The following KREMEN2 variants were observed in gnomAD, a reference collection of about 807,000 sequenced individuals.
The protein encoded by KREMEN2 is kringle containing transmembrane protein 2, also known as kremen protein 2.
KREMEN2 carries 43 observed loss-of-function variants against 49.8 expected under a neutral mutation model. The observed-to-expected ratio is 0.86, with a 90% CI of 0.68 to 1.11. The LOEUF is 1.11. KREMEN2 is among the 50% of genes most tolerant of loss of function. The probability of loss-of-function intolerance (pLI) is 0.00; values close to 1 mark genes in which losing one functional copy is unlikely to be tolerated. For synonymous variants in KREMEN2, 355 were observed against 304.9 expected (o/e 1.16, Z -1.71); for missense variants, 686 against 665.7 (o/e 1.03, Z -0.34).
rs2071839757 is a variant in KREMEN2 at position 2,967,057 on chromosome 16, T to C, written c.788T>C (p.Phe263Ser). The C allele has an allele frequency of 6.5e-7, 1 of 1,532,932 alleles. No homozygotes were observed. The highest frequency in any genetic ancestry group is 8.7e-7 in the Non-Finnish European group (1 of 1,143,226). 95.0% of individuals were successfully genotyped at this position (1,532,932 alleles called of 1,614,324 possible). A position where few individuals can be genotyped will look rare whatever the true frequency, so the allele number is the denominator to read the frequency against. The change falls in exon 6 of 9, where the codon TTC becomes TCC. Residue 263 changes from phenylalanine (F) to serine (S), a missense_variant. Transcript: ENST00000303746. ...GCGCTGGAGCTCACCTTCCGCCTCT[T>C]CGAGCTGGCCGACCCGCGCGACCGG... ...GAALELTFRL[F>S]ELADPRDRLE... is the part of the protein sequence containing the mutation.
rs754341047 is a variant in KREMEN2 at position 2,966,619 on chromosome 16, G to A, written c.487-23G>A. 2 of 1,605,592 alleles carry A rather than the reference G, an allele frequency of 1.2e-6. No homozygotes were observed. Among genetic ancestry groups the A allele is most frequent in the Non-Finnish European group, 8.5e-7 (1 of 1,179,116 alleles). ...ACCCCTACCCCAGCCCCTGCCCTGG[G>A]GTCACCCAGTCTGTGCTCCCAGCTG... On this transcript the variant is annotated intron_variant, in intron 4 of 8. Transcript: ENST00000303746. The surrounding 1 kb of genome is among the most constrained non-coding windows in gnomAD (Gnocchi z 8.4).
chr16:2,965,958 A>G (rs182993108), intron 2 of KREMEN2, among the ~76,000 whole-genome samples, 182 bp from the exon 3 acceptor site: 72 of 152,358 alleles, frequency 4.7e-4, no homozygotes, highest in African/African-American at 1.5e-3. Context: ...GTCGACGTCC[A>G]GTTCCTTCAT....
chr16:2,966,524 G>A lies in KREMEN2; in HGVS notation c.486+75G>A. 7 of 1,593,042 alleles carry A rather than the reference G, an allele frequency of 4.4e-6. No homozygotes were observed. The highest frequency in any genetic ancestry group is 6.0e-6 in the Non-Finnish European group (7 of 1,173,596). ...CACACTCAACTCCCAACACTCGGTT[G>A]CCAAACCCAGACACCGGTTTCTGAA... On this transcript the variant is annotated intron_variant, in intron 4 of 8. Coordinates refer to ENST00000303746, the MANE Select transcript of KREMEN2 (RefSeq NM_172229.3). This position sits in a 1 kb window ranked among gnomAD's most constrained non-coding sequence, Gnocchi z 8.4.
chr16:2,966,100 T>G lies in KREMEN2; in HGVS notation c.270-40T>G. The G allele has an allele frequency of 6.4e-7, 1 of 1,572,900 alleles. No individual in the cohort carries two copies. The highest frequency in any genetic ancestry group is 8.7e-7 in the Non-Finnish European group (1 of 1,145,578). ...GGGCCGGGCCTGGGTTTGCTATTCTTGGGGTGGTGGGAGCCCCACCACCTC... is the reference window on the plus strand; with the variant it reads ...GGGCCGGGCCTGGGTTTGCTATTCTGGGGGTGGTGGGAGCCCCACCACCTC... On this transcript the variant is annotated intron_variant, in intron 2 of 8. Coordinates refer to ENST00000303746, the MANE Select transcript of KREMEN2 (RefSeq NM_172229.3). The surrounding 1 kb of genome is among the most constrained non-coding windows in gnomAD (Gnocchi z 8.4).
chr16:2,966,844 C>A lies in KREMEN2; in HGVS notation c.640+49C>A. 1 of 1,586,694 alleles carries A rather than the reference C, an allele frequency of 6.3e-7. No homozygotes were observed. Among genetic ancestry groups the A allele is most frequent in the Admixed American group, 1.8e-5 (1 of 56,388 alleles). Reference sequence around the variant, plus strand: ...GGCCTGGGCGGGCCTCGAGGTGGGGCCTGGCCGGGCAGGGGAGCCGCCGTG... The same window carrying A: ...GGCCTGGGCGGGCCTCGAGGTGGGGACTGGCCGGGCAGGGGAGCCGCCGTG... On this transcript the variant is annotated intron_variant, in intron 5 of 8. Coordinates refer to ENST00000303746, the MANE Select transcript of KREMEN2 (RefSeq NM_172229.3). The surrounding 1 kb of genome is among the most constrained non-coding windows in gnomAD (Gnocchi z 8.4).
chr16:2,965,890 T>C (rs1268993327), intron 2 of KREMEN2, among the ~76,000 whole-genome samples: 1 of 152,126 alleles, frequency 6.6e-6, no homozygotes, highest in African/African-American at 2.4e-5. Context: ...TAGCAACAGC[T>C]GAAGCCTAAA....
Position 2,967,155 on chromosome 16 carries a change from C to G in KREMEN2, c.886C>G (p.Pro296Ala). The change falls in exon 6 of 9, where the codon CCG becomes GCG. Residue 296 changes from proline to alanine, a missense_variant. By Grantham distance (27) the Pro-to-Ala change is conservative (BLOSUM62 -1). Transcript: ENST00000303746. ...FDGARPPPSG[P>A]LRLGTAALLL... The stretch of plus-strand genomic sequence containing the variant: ...TGGCGCCCGCCCACCGCCGTCCGGG[C>G]CGCTGCGCCTGGGCACTGCCGCGCT... The G allele has an allele frequency of 7.2e-7, 1 of 1,386,310 alleles. No individual in the cohort carries two copies. The highest frequency in any genetic ancestry group is 9.3e-7 in the Non-Finnish European group (1 of 1,079,098). 85.9% of individuals were successfully genotyped at this position (1,386,310 alleles called of 1,614,324 possible).
In KREMEN2 at chr16:2,964,982, G is replaced by C. The variant is rs1314294335; in HGVS notation, c.218G>C (p.Ser73Thr). The change falls in exon 2 of 9, where the codon AGC becomes ACC. Residue 73 changes from serine (S) to threonine (T), a missense_variant. Ser to Thr is a moderately conservative substitution (Grantham distance 58, BLOSUM62 1). Coordinates refer to ENST00000303746, the MANE Select transcript of KREMEN2 (RefSeq NM_172229.3). ...WDQTQQHSYS[S>T]ASDPHGRWGL... The stretch of plus-strand genomic sequence containing the variant: ...CAGACGCAGCAACACAGCTACAGCA[G>C]CGCCAGCGACCCCCACGGCCGCTGG... The C allele has an allele frequency of 6.4e-7, 1 of 1,573,810 alleles. No individual in the cohort carries two copies. Among genetic ancestry groups the C allele is most frequent in the Non-Finnish European group, 8.6e-7 (1 of 1,161,228 alleles).
chr16:2,968,137 T>G lies in KREMEN2; in HGVS notation c.*117T>G. ...AGGGGCAGCTCGGCCTCTGGTCGCC[T>G]TGGGGAGACCAAAAGTCGGACAGGA... On this transcript the variant is annotated 3_prime_UTR_variant, in exon 9 of 9. Transcript: ENST00000303746. 8.8e-7 allele frequency: 1 copy of G among 1,142,166 alleles called. No homozygotes were observed. The highest frequency in any genetic ancestry group is 1.3e-5 in the South Asian group (1 of 75,450). 70.8% of individuals were successfully genotyped at this position (1,142,166 alleles called of 1,614,324 possible). A position where few individuals can be genotyped will look rare whatever the true frequency, so the allele number is the denominator to read the frequency against.
At chr16:2,965,447 G>A (rs1303605990) in intron 2 of KREMEN2, among the ~76,000 whole-genome samples, 6 of 152,182 alleles carry the variant, frequency 3.9e-5, no homozygotes, top group Non-Finnish European at 8.8e-5. Context: ...GAGGAGAGCC[G>A]CAAAGCTCAG....
chr16:2,967,492 C>A, intron 7 of KREMEN2, 34 bp from the exon 8 acceptor site: 5 of 1,503,300 alleles, frequency 3.3e-6, no homozygotes, highest in Non-Finnish European at 4.4e-6. Flanking sequence ...GCCGCCCCCT[C>A]GCGCCCATCC....
At position 2,966,093 on chromosome 16, in the gene KREMEN2, C is replaced by G; in HGVS notation, c.270-47C>G. ...GGCTGCGGGGCCGGGCCTGGGTTTG[C>G]TATTCTTGGGGTGGTGGGAGCCCCA... On this transcript the variant is annotated intron_variant, in intron 2 of 8. Transcript: ENST00000303746. The surrounding 1 kb of genome is among the most constrained non-coding windows in gnomAD (Gnocchi z 8.4). 6 of 1,556,090 alleles carry G rather than the reference C, an allele frequency of 3.9e-6. No homozygotes were observed. Among genetic ancestry groups the G allele is most frequent in the Non-Finnish European group, 5.3e-6 (6 of 1,130,586 alleles).
chr16:2,964,672 C>T, intron 1 of KREMEN2, 58 bp downstream of exon 1: 1 of 1,473,910 alleles, frequency 6.8e-7, no homozygotes. Context: ...GCCTCCGCCC[C>T]CAGGGCCAGG....
chr16:2,966,320 C>T lies in KREMEN2; in HGVS notation c.362-5C>T. 6.2e-7 allele frequency: 1 copy of T among 1,612,610 alleles called. No homozygotes were observed. The highest frequency in any genetic ancestry group is 1.7e-5 in the Admixed American group (1 of 60,026). The stretch of plus-strand genomic sequence containing the variant: ...AGTCACGGAAGTCTGACTCTGCCCC[C>T]TCAGTGCCAGGCTACCTGGGATGCT... On this transcript the variant is annotated splice_polypyrimidine_tract_variant and splice_region_variant and intron_variant, in intron 3 of 8. Coordinates refer to ENST00000303746, the MANE Select transcript of KREMEN2 (RefSeq NM_172229.3). The surrounding 1 kb of genome is among the most constrained non-coding windows in gnomAD (Gnocchi z 8.4).
At position 2,967,756 on chromosome 16, in the gene KREMEN2, C is replaced by T. The variant is rs935044083; in HGVS notation, c.1179-54C>T. The T allele has an allele frequency of 4.5e-6, 7 of 1,543,832 alleles. No individual in the cohort carries two copies. The African/African-American group carries it at 9.6e-5, about 21-fold the overall frequency. ...ATCGCGCGCGGGATCGCAGGTAGAGCAGGACGCTGCAGCGGGATTGGACCG... is the reference window on the plus strand; with the variant it reads ...ATCGCGCGCGGGATCGCAGGTAGAGTAGGACGCTGCAGCGGGATTGGACCG... On this transcript the variant is annotated intron_variant, in intron 8 of 8. Coordinates refer to ENST00000303746, the MANE Select transcript of KREMEN2 (RefSeq NM_172229.3).
At position 2,967,199 on chromosome 16, in the gene KREMEN2, C is replaced by T. The variant is rs929950001; in HGVS notation, c.930C>T (p.Ser310=). The T allele has an allele frequency of 1.5e-6, 2 of 1,357,980 alleles. No individual in the cohort carries two copies. The highest frequency in any genetic ancestry group is 9.4e-7 in the Non-Finnish European group (1 of 1,064,678). 84.1% of individuals were successfully genotyped at this position (1,357,980 alleles called of 1,614,324 possible). The change falls in exon 6 of 9, where the codon AGC becomes AGT. Residue 310 remains serine (S), a synonymous_variant. Coordinates refer to ENST00000303746, the MANE Select transcript of KREMEN2 (RefSeq NM_172229.3). ...GTAALLLTFR[S]DARGHAQGFA... ...CCGCGCTGCTGCTCACCTTCCGAAG[C>T]GACGCGCGCGGCCACGCGCAAGGCT...
In KREMEN2 at chr16:2,966,465, C is replaced by T; in HGVS notation, c.486+16C>T. The T allele has an allele frequency of 6.2e-7, 1 of 1,608,756 alleles. No individual in the cohort carries two copies. On this transcript the variant is annotated intron_variant, in intron 4 of 8. Coordinates refer to ENST00000303746, the MANE Select transcript of KREMEN2 (RefSeq NM_172229.3). This position sits in a 1 kb window ranked among gnomAD's most constrained non-coding sequence, Gnocchi z 8.4. ...GGGGTACCAGGTACTGCTCACGGGCCCAGACCAGTGACCCCTGACCTGGAC... is the reference window on the plus strand; with the variant it reads ...GGGGTACCAGGTACTGCTCACGGGCTCAGACCAGTGACCCCTGACCTGGAC...
Position 2,964,945 on chromosome 16 carries a change from C to T in KREMEN2, c.181C>T (p.Leu61Phe). ...CCCGCGCGGGGCGGGCCGCCCGTGCCTCTTCTGGGACCAGACGCAGCAACA... is the reference window on the plus strand; with the variant it reads ...CCCGCGCGGGGCGGGCCGCCCGTGCTTCTTCTGGGACCAGACGCAGCAACA... ...TGPRGAGRPC[L>F]FWDQTQQHSY... The change falls in exon 2 of 9, where the codon CTC (leucine) becomes TTC (phenylalanine). Residue 61 changes from leucine (L) to phenylalanine (F), a missense_variant. By Grantham distance (22) the Leu-to-Phe change is conservative. Coordinates refer to ENST00000303746, the MANE Select transcript of KREMEN2 (RefSeq NM_172229.3). 1 of 1,594,840 alleles carries T rather than the reference C, an allele frequency of 6.3e-7. No individual in the cohort carries two copies. The highest frequency in any genetic ancestry group is 8.5e-7 in the Non-Finnish European group (1 of 1,171,804).
chr16:2,967,358 G>A lies in KREMEN2; in HGVS notation c.1012G>A (p.Gly338Ser), dbSNP rs779123388. Reference protein sequence around the residue: ...DAAEDPEAPEGSAQTPAAPLD... With the variant: ...DAAEDPEAPESSAQTPAAPLD... ...CGCTGAGGACCCAGAGGCCCCCGAG[G>A]GCTCGGCCCAGACCCCCGCGGCGCC... is the stretch of plus-strand genomic sequence containing the variant. The change falls in exon 7 of 9, where the codon GGC becomes AGC. Residue 338 changes from glycine (G) to serine (S), a missense_variant. Physicochemically the swap from Gly to Ser is moderately conservative, Grantham distance 56 (BLOSUM62 0). Transcript: ENST00000303746. 2.1e-6 allele frequency: 3 copies of A among 1,409,864 alleles called. No individual in the cohort carries two copies. Among genetic ancestry groups the A allele is most frequent in the South Asian group, 3.1e-5 (2 of 64,944 alleles). The allele number at this position is 1,409,864 out of a possible 1,614,324, so 87.3% of individuals were successfully genotyped here.
Sources: allele counts gnomAD v4.1 joint callset (sites outside exome capture counted in the v4.1 genomes callset), GRCh38; gene constraint gnomAD v4.1.1; non-coding constraint Gnocchi (gnomAD v3.1); transcripts MANE v1.5; gene names NCBI Gene and HGNC (gene_info 2026-07-23, HGNC 2026-07-21).